The following LRP1B variants were observed in gnomAD, a reference collection of about 807,000 sequenced individuals.
LRP1B encodes LDL receptor related protein 1B.
A neutral mutation model predicts 556.6 loss-of-function variants in LRP1B; 217 were observed. That is an observed-to-expected ratio of 0.39 (90% CI 0.35 to 0.44). The LOEUF (loss-of-function observed/expected upper bound fraction) is 0.44. Ranked by LOEUF, LRP1B falls within the 20% of genes least tolerant of loss-of-function variation. The pLI is 1.00. For synonymous variants in LRP1B, 2,047 were observed against 1,865.8 expected (o/e 1.10, Z -2.50); for missense variants, 5,053 against 5,620.8 (o/e 0.90, Z 3.23).
chr2:141,466,762 G>A (rs1277122577), intron 3 of LRP1B, among the ~76,000 whole-genome samples: 6 of 152,082 alleles, frequency 3.9e-5, no homozygotes, highest in East Asian at 1.9e-4. Context: ...TCTGGGACCC[G>A]AGTCACATAC....
chr2:140,967,308 G>A (rs1696257778), intron 18 of LRP1B, among the ~76,000 whole-genome samples: 1 of 141,810 alleles, frequency 7.1e-6, no homozygotes, highest in Admixed American at 7.6e-5. Context: ...TGAAGCAACT[G>A]TGAATGGGAG....
intron 63 of LRP1B, among the ~76,000 whole-genome samples, chr2:140,449,448 C>A (rs1216522420): frequency 7.3e-5 from 11 of 151,534 alleles, no homozygotes; most frequent in African/African-American, 2.4e-4. Context: ...GAGATACTAC[C>A]CTTTATATGT....
chr2:141,725,045 T>G (rs1298837234), intron 2 of LRP1B, among the ~76,000 whole-genome samples: 1 of 151,906 alleles, frequency 6.6e-6, no homozygotes, highest in Non-Finnish European at 1.5e-5. Flanking sequence ...TAAGTTAAAT[T>G]TAGTGTAAGA....
intron 1 of LRP1B, among the ~76,000 whole-genome samples, chr2:141,973,828 T>C (rs576378645): frequency 2.0e-5 from 3 of 151,994 alleles, no homozygotes; most frequent in Middle Eastern, 3.4e-3. Flanking sequence ...ACACTTGTTG[T>C]AAGCATATAC....
At chr2:140,962,632 C>T (rs1440634749) in intron 18 of LRP1B, among the ~76,000 whole-genome samples, 1 of 152,176 alleles carries the variant, frequency 6.6e-6, no homozygotes, top group African/African-American at 2.4e-5. Context: ...GTCCTGATTT[C>T]ACTCACCTCA....
intron 15 of LRP1B, among the ~76,000 whole-genome samples, chr2:140,997,071 TA>T (rs1361534695): frequency 6.6e-6 from 1 of 151,996 alleles, no homozygotes; most frequent in Non-Finnish European, 1.5e-5. Context: ...GAACCATTTC[TA>T]GCAAAAATTC....
chr2:141,900,962 C>A (rs889079046), intron 1 of LRP1B, among the ~76,000 whole-genome samples: 1 of 151,930 alleles, frequency 6.6e-6, no homozygotes, highest in Non-Finnish European at 1.5e-5. Context: ...CAGGGACATG[C>A]TTTTGGCAGC....
At chr2:141,986,978 C>T (rs1478533744) in intron 1 of LRP1B, among the ~76,000 whole-genome samples, 1 of 152,046 alleles carries the variant, frequency 6.6e-6, no homozygotes, top group East Asian at 1.9e-4. Context: ...GTATTTAACC[C>T]TTTGTCTTTC....
chr2:140,297,930 G>T lies in LRP1B; in HGVS notation c.12845C>A (p.Pro4282Gln), dbSNP rs767939250. The T allele has an allele frequency of 6.2e-7, 1 of 1,613,514 alleles. No homozygotes were observed. Among genetic ancestry groups the T allele is most frequent in the Non-Finnish European group, 8.5e-7 (1 of 1,179,552 alleles). ...TCSCALGFTG[P>Q]NCGKTVCEDF... ...CTCACAGACTGTCTTACCACAGTTT[G>T]GCCCAGTGAAACCCAGTGCACAGCT... Residue 4282 changes from proline to glutamine, a missense_variant, in exon 84 of 91, where the codon CCA becomes CAA. This residue lies in a region of LRP1B where 551 missense variants were observed against 592.0 expected (regional missense o/e 0.93). Coordinates refer to ENST00000389484, the MANE Select transcript of LRP1B (RefSeq NM_018557.3).
At chr2:141,063,103 A>G (rs1453905467) in intron 7 of LRP1B, among the ~76,000 whole-genome samples, 1 of 151,820 alleles carries the variant, frequency 6.6e-6, no homozygotes, top group Admixed American at 6.6e-5. Flanking sequence ...ATATTTAACA[A>G]GATTACCCAC....
At chr2:141,657,216 GA>G (rs1558785194) in intron 2 of LRP1B, among the ~76,000 whole-genome samples, 1 of 152,064 alleles carries the variant, frequency 6.6e-6, no homozygotes, top group East Asian at 1.9e-4. Context: ...TAAGTTACTA[GA>G]AATTACAGAG....
At chr2:140,282,570 T>C (rs995269618) in intron 84 of LRP1B, among the ~76,000 whole-genome samples, 9 of 151,802 alleles carry the variant, frequency 5.9e-5, no homozygotes, top group African/African-American at 2.2e-4. Context: ...AAATGGAAAG[T>C]ATCCCATCTC....
chr2:141,085,808 A>G (rs571235155), intron 7 of LRP1B, among the ~76,000 whole-genome samples: 1 of 152,342 alleles, frequency 6.6e-6, no homozygotes, highest in African/African-American at 2.4e-5. Context: ...TTTTAATTCA[A>G]GTTTTAATGA....
chr2:141,845,117 T>G (rs1697599596), intron 1 of LRP1B, among the ~76,000 whole-genome samples: 2 of 140,786 alleles, frequency 1.4e-5, no homozygotes, highest in South Asian at 4.3e-4. Flanking sequence ...GTTATGGTCT[T>G]CATTTTCAGG....
chr2:140,823,157 G>C (rs978476071), intron 31 of LRP1B, among the ~76,000 whole-genome samples: 1 of 152,208 alleles, frequency 6.6e-6, no homozygotes, highest in Middle Eastern at 3.4e-3. Context: ...AGTAGTAATT[G>C]CTATGAGCTA....
chr2:141,066,445 G>T (rs1699484192), intron 7 of LRP1B, among the ~76,000 whole-genome samples: 1 of 151,990 alleles, frequency 6.6e-6, no homozygotes, highest in Non-Finnish European at 1.5e-5. Context: ...AGAGCACTGT[G>T]CTTACAGAGT....
intron 63 of LRP1B, among the ~76,000 whole-genome samples, chr2:140,445,507 C>A (rs572546789): frequency 6.6e-6 from 1 of 151,734 alleles, no homozygotes; most frequent in Non-Finnish European, 1.5e-5. Context: ...CCCTATAATC[C>A]GATTATTATA....
chr2:141,166,091 C>A (rs188100147), intron 7 of LRP1B, among the ~76,000 whole-genome samples: 25 of 152,048 alleles, frequency 1.6e-4, no homozygotes, highest in Non-Finnish European at 3.2e-4. Flanking sequence ...CCTTACCCCA[C>A]ATACGCTATG....
intron 23 of LRP1B, among the ~76,000 whole-genome samples, chr2:140,894,068 T>C (rs1234605851): frequency 6.6e-6 from 1 of 152,172 alleles, no homozygotes; most frequent in Non-Finnish European, 1.5e-5. Flanking sequence ...AAATGTGTCA[T>C]TTTTTAAAGA....
Sources: gnomAD v4.1 joint callset for allele counts (sites outside exome capture counted in the v4.1 genomes callset) on GRCh38, gnomAD v4.1.1 for gene constraint, gnomAD v4.1.1 regional missense constraint, MANE v1.5 for transcripts, NCBI Gene and HGNC (gene_info 2026-07-23, HGNC 2026-07-21) for gene names.